SLCO6A1: variants seen among roughly 807,000 people sequenced by gnomAD.
The protein encoded by SLCO6A1 is solute carrier organic anion transporter family member 6A1.
A neutral mutation model predicts 72.7 loss-of-function variants in SLCO6A1; 65 were observed. That is an observed-to-expected ratio of 0.89 (90% confidence interval 0.73 to 1.10). SLCO6A1 has a LOEUF of 1.10. Ranked by LOEUF, SLCO6A1 falls within the 50% of genes least tolerant of loss-of-function variation. The pLI is 0.00. For missense variants in SLCO6A1, 874 were observed against 872.6 expected (o/e 1.00, Z -0.02); for synonymous variants, 314 against 298.2 (o/e 1.05, Z -0.55).
intron 7 of SLCO6A1, among the ~76,000 whole-genome samples, chr5:102,424,104 T>C (rs935553591): frequency 2.0e-5 from 3 of 152,134 alleles, no homozygotes; most frequent in Admixed American, 6.5e-5. Flanking sequence ...CCAGAATCTC[T>C]GGGACACAGC....
intron 7 of SLCO6A1, among the ~76,000 whole-genome samples, chr5:102,436,566 C>T (rs6596492): frequency 0.64 from 96,849 of 151,984 alleles, 31,040 homozygotes; most frequent in African/African-American, 0.66. Context: ...GAGTGTAATT[C>T]GCAAACCTAC....
rs1414376389 is a variant in SLCO6A1, at chr5:102,453,329, C to T, written c.1131+5053G>A. ...TTTCAGCCTGGGTGACAGAGTGAGA[C>T]CCTGCCTCAAAAAAAAAAAAAAAAG... On this transcript the variant is annotated intron_variant, in intron 6 of 13. Transcript: ENST00000506729. Among the ~76,000 whole-genome samples, 6 of 125,108 alleles carry T rather than the reference C, an allele frequency of 4.8e-5. No homozygotes were observed. The Admixed American group carries it at 4.9e-4, about 10-fold the overall frequency. 82.1% of individuals were successfully genotyped at this position (125,108 alleles called of 152,430 possible).
At chr5:102,481,305 C>T (rs1268692385) in intron 1 of SLCO6A1, among the ~76,000 whole-genome samples, 4 of 152,124 alleles carry the variant, frequency 2.6e-5, no homozygotes, top group Non-Finnish European at 4.4e-5. Context: ...TTTTGATGCC[C>T]TTGCAGGTGC....
At chr5:102,385,871 G>T (rs1746391937) in intron 12 of SLCO6A1, among the ~76,000 whole-genome samples, 1 of 134,648 alleles carries the variant, frequency 7.4e-6, no homozygotes. Context: ...TGACTATGTT[G>T]CCTAGGCTGG....
chr5:102,473,935 C>T (rs527686508), intron 4 of SLCO6A1, among the ~76,000 whole-genome samples: 7 of 151,870 alleles, frequency 4.6e-5, no homozygotes, highest in Middle Eastern at 3.4e-3. Flanking sequence ...GTAAAGCGAT[C>T]CCATGTTTAT....
At chr5:102,469,410 T>C (rs922496430) in intron 4 of SLCO6A1, among the ~76,000 whole-genome samples, 5 of 152,158 alleles carry the variant, frequency 3.3e-5, no homozygotes, top group Non-Finnish European at 7.3e-5. Flanking sequence ...AGTTATTTTA[T>C]TCTCTTTGTA....
At chr5:102,480,985 A>G (rs1202308291) in intron 1 of SLCO6A1, among the ~76,000 whole-genome samples, 8 of 152,342 alleles carry the variant, frequency 5.3e-5, no homozygotes, top group African/African-American at 1.9e-4. Context: ...TGAATGTGAA[A>G]TGAATGGTAC....
At chr5:102,383,375 T>C (rs149789316) in intron 12 of SLCO6A1, among the ~76,000 whole-genome samples, 2 of 151,784 alleles carry the variant, frequency 1.3e-5, no homozygotes, top group East Asian at 3.9e-4. Context: ...TACATTCCTC[T>C]ATATCTAATT....
intron 12 of SLCO6A1, among the ~76,000 whole-genome samples, chr5:102,384,515 C>T (rs146328902): frequency 3.3e-5 from 5 of 152,052 alleles, no homozygotes; most frequent in Admixed American, 3.3e-4. Flanking sequence ...TGATCAGATA[C>T]TCCTTATTTG....
At chr5:102,458,619 C>G in intron 5 of SLCO6A1, 128 bp from the exon 6 acceptor site, 1 of 606,752 alleles carries the variant, frequency 1.6e-6, no homozygotes, top group Middle Eastern at 4.5e-4. Context: ...TTTGAACAAG[C>G]TAAACTCAAT....
At chr5:102,406,901 G>A (rs905920039) in intron 9 of SLCO6A1, among the ~76,000 whole-genome samples, 1 of 152,046 alleles carries the variant, frequency 6.6e-6, no homozygotes, top group Non-Finnish European at 1.5e-5. Flanking sequence ...AGATGAAAGG[G>A]GACAGAAAAG....
chr5:102,493,468 C>T (rs922896973), intron 1 of SLCO6A1, among the ~76,000 whole-genome samples: 33 of 152,112 alleles, frequency 2.2e-4, no homozygotes, highest in African/African-American at 6.8e-4. Context: ...AAAAAATTCT[C>T]AGCAAACTAA....
intron 6 of SLCO6A1, among the ~76,000 whole-genome samples, chr5:102,448,061 G>A (rs1464526072): frequency 6.6e-6 from 1 of 152,100 alleles, no homozygotes; most frequent in East Asian, 1.9e-4. Context: ...AGAGATTCTG[G>A]TATGTTGTAT....
intron 7 of SLCO6A1, among the ~76,000 whole-genome samples, chr5:102,436,468 A>G (rs1315646284): frequency 6.6e-6 from 1 of 152,156 alleles, no homozygotes; most frequent in Non-Finnish European, 1.5e-5. Flanking sequence ...CTCCAACCAA[A>G]AGGGAACCTA....
intron 3 of SLCO6A1, among the ~76,000 whole-genome samples, chr5:102,476,767 G>A (rs1751921362): frequency 2.0e-5 from 3 of 151,958 alleles, no homozygotes; most frequent in Admixed American, 6.6e-5. Context: ...GCTCTAGCAA[G>A]ATGATACTTT....
At chr5:102,481,499 G>A (rs934204540) in intron 1 of SLCO6A1, among the ~76,000 whole-genome samples, 8 of 152,160 alleles carry the variant, frequency 5.3e-5, no homozygotes, top group South Asian at 2.1e-4. Context: ...CATGTAAGTC[G>A]AAGTCAGCTG....
At chr5:102,399,348 C>A (rs1038212234) in intron 10 of SLCO6A1, among the ~76,000 whole-genome samples, 1 of 151,846 alleles carries the variant, frequency 6.6e-6, no homozygotes, top group Non-Finnish European at 1.5e-5. Context: ...TAAAGTTAAA[C>A]AATGTGATAT....
intron 9 of SLCO6A1, among the ~76,000 whole-genome samples, chr5:102,400,863 TA>T (rs1747358579): frequency 3.3e-5 from 5 of 152,012 alleles, no homozygotes. Context: ...TTCCACCAAA[TA>T]TTTTTTTGAG....
At chr5:102,442,954 T>C (rs570717614) in intron 6 of SLCO6A1, among the ~76,000 whole-genome samples, 1 of 152,210 alleles carries the variant, frequency 6.6e-6, no homozygotes, top group Admixed American at 6.5e-5. Flanking sequence ...TCCCAACACT[T>C]TGAGAGGTCA....
Sources: allele counts gnomAD v4.1 joint callset (sites outside exome capture counted in the v4.1 genomes callset), GRCh38; gene constraint gnomAD v4.1.1; transcripts MANE v1.5; gene names NCBI Gene and HGNC (gene_info 2026-07-23, HGNC 2026-07-21).